Variants in NTN4 observed in about 807,000 individuals in gnomAD.
NTN4 encodes netrin-4.
In NTN4, 32 loss-of-function variants were observed where a neutral mutation model predicts 73.6. The observed-to-expected ratio is 0.44, with a 90% CI of 0.33 to 0.58. NTN4 has a LOEUF of 0.58. Among genes scored for constraint, NTN4 ranks in the 20% least tolerant of loss-of-function variants. NTN4 has a pLI of 0.04. For synonymous variants in NTN4, 258 were observed against 287.5 expected, an observed-to-expected ratio of 0.90 and a Z score of 1.04; for missense variants, 654 against 798.3, an observed-to-expected ratio of 0.82 and a Z score of 2.18.
chr12:95,672,741 A>AGAT, intron 7 of NTN4: 13 of 1,388,180 alleles, frequency 9.4e-6, no homozygotes, highest in Non-Finnish European at 1.3e-5. Context: ...CAGACCTCAC[A>AGAT]GATGATCAGC....
intron 2 of NTN4, among the ~76,000 whole-genome samples, chr12:95,756,219 A>G (rs2121231850): frequency 6.6e-6 from 1 of 152,358 alleles, no homozygotes; most frequent in Admixed American, 6.5e-5. Flanking sequence ...AATATTATAT[A>G]TGATTGATAC....
intron 7 of NTN4, among the ~76,000 whole-genome samples, chr12:95,676,441 A>T (rs2078273995): frequency 6.6e-6 from 1 of 152,122 alleles, no homozygotes; most frequent in South Asian, 2.1e-4. Context: ...AAAAACCCTG[A>T]TGTTTGAACA....
intron 3 of NTN4, among the ~76,000 whole-genome samples, chr12:95,726,926 C>T (rs946878780): frequency 3.0e-4 from 45 of 151,848 alleles, no homozygotes; most frequent in Admixed American, 5.9e-4. Flanking sequence ...GTGGAGATTG[C>T]GCCACTGCAC....
intron 5 of NTN4, among the ~76,000 whole-genome samples, chr12:95,685,294 G>A (rs951365523): frequency 1.3e-5 from 2 of 152,132 alleles, no homozygotes; most frequent in African/African-American, 4.8e-5. Context: ...TAATTCACTG[G>A]GAGGGTCCTC....
intron 3 of NTN4, among the ~76,000 whole-genome samples, chr12:95,729,632 AGTGTGTGT>A (rs758891542): frequency 0.011 from 1,318 of 124,132 alleles, 20 homozygotes; most frequent in African/African-American, 0.032. Flanking sequence ...AGAGAGAGAG[AGTGTGTGT>A]GTGTGTGTGT....
rs2078737698 is a variant in NTN4 at position 95,731,586 on chromosome 12, C to T, written c.864+6280G>A. Among the ~76,000 whole-genome samples the T allele has an allele frequency of 1.3e-5, 2 of 152,000 alleles. 1 individual carries two copies. The highest frequency in any genetic ancestry group is 4.8e-5 in the African/African-American group (2 of 41,386). On this transcript the variant is annotated intron_variant, in intron 3 of 9. Transcript: ENST00000343702. ...AATAATAAATAAATAAATCAGCTAA[C>T]CTTTGGGGGTGAGAATTGTCTTTAC...
At chr12:95,762,904 T>C (rs2078998567) in intron 2 of NTN4, among the ~76,000 whole-genome samples, 1 of 152,226 alleles carries the variant, frequency 6.6e-6, no homozygotes, top group Non-Finnish European at 1.5e-5. Flanking sequence ...TCCTATACAT[T>C]TAGATAAGAA....
chr12:95,789,925 G>A lies in NTN4; in HGVS notation c.55+330C>T. On this transcript the variant is annotated intron_variant, in intron 1 of 9. Transcript: ENST00000343702. This position sits in a 1 kb window ranked among gnomAD's most constrained non-coding sequence, Gnocchi z 4.0. ...TTAGGCCATGAAGTGCCGGGGGATG[G>A]CGAGCTGGGTCCTTTGTTCCCTCAC... 3.7e-6 allele frequency: 1 copy of A among 267,834 alleles called. No homozygotes were observed. Among genetic ancestry groups the A allele is most frequent in the Non-Finnish European group, 7.0e-6 (1 of 142,050 alleles). The allele number at this position is 267,834 out of a possible 1,614,324, so 16.6% of individuals were successfully genotyped here.
rs926411299 is a variant in NTN4, at chr12:95,789,511, G to A, written c.55+744C>T. On this transcript the variant is annotated intron_variant, in intron 1 of 9. Coordinates refer to ENST00000343702, the MANE Select transcript of NTN4 (RefSeq NM_021229.4). The surrounding 1 kb of genome is among the most constrained non-coding windows in gnomAD (Gnocchi z 4.0). ...ATACAGAAACCACGAGCCAGGAGCC[G>A]GTGGCCTAGGGCAGCCCAAGAAAGC... Among the ~76,000 whole-genome samples the A allele has an allele frequency of 2.0e-5, 3 of 152,190 alleles. No homozygotes were observed. The highest frequency in any genetic ancestry group is 7.2e-5 in the African/African-American group (3 of 41,436).
Position 95,787,029 on chromosome 12 carries a change from G to C in NTN4, c.495C>G (p.Ser165=). Residue 165 remains serine (S), a synonymous_variant, in exon 2 of 10, where the codon TCC becomes TCG. Coordinates refer to ENST00000343702, the MANE Select transcript of NTN4 (RefSeq NM_021229.4). ...KPYKYFATNC[S]ATFGLEDDVV... ...CATCATCTTCCAGGCCAAATGTAGC[G>C]GAGCAGTTAGTCGCAAAGTACTTAT... 6.2e-7 allele frequency: 1 copy of C among 1,614,134 alleles called. No individual in the cohort carries two copies. The highest frequency in any genetic ancestry group is 1.3e-5 in the African/African-American group (1 of 75,020).
At chr12:95,769,019 C>G (rs11108248) in intron 2 of NTN4, among the ~76,000 whole-genome samples, 51,860 of 151,946 alleles carry the variant, frequency 0.34, 9,408 homozygotes, top group East Asian at 0.6. Flanking sequence ...AGCTGAGAGT[C>G]AGCAGGGGGT....
Position 95,789,810 on chromosome 12 carries a change from G to A in NTN4, c.55+445C>T, listed in dbSNP as rs1592724777. Reference sequence around the variant, plus strand: ...CCTGGTTCTCTAGTACCCAGCACCAGGTCAGGGACACCAGCGATGGGCTTC... The same window carrying A: ...CCTGGTTCTCTAGTACCCAGCACCAAGTCAGGGACACCAGCGATGGGCTTC... On this transcript the variant is annotated intron_variant, in intron 1 of 9. Coordinates refer to ENST00000343702, the MANE Select transcript of NTN4 (RefSeq NM_021229.4). The surrounding 1 kb of genome is among the most constrained non-coding windows in gnomAD (Gnocchi z 4.0). 1.9e-5 allele frequency: 3 copies of A among 160,756 alleles called. No homozygotes were observed. The highest frequency in any genetic ancestry group is 3.6e-4 in the East Asian group (2 of 5,502). 10.0% of individuals were successfully genotyped at this position (160,756 alleles called of 1,614,324 possible).
At chr12:95,697,592 A>G (rs2078451751) in intron 5 of NTN4, among the ~76,000 whole-genome samples, 2 of 151,782 alleles carry the variant, frequency 1.3e-5, no homozygotes, top group Admixed American at 1.3e-4. Context: ...ATGGCTATTT[A>G]TCAGTAAGCA....
intron 3 of NTN4, among the ~76,000 whole-genome samples, chr12:95,719,948 C>G (rs2078634686): frequency 6.6e-6 from 1 of 152,096 alleles, no homozygotes; most frequent in Non-Finnish European, 1.5e-5. Flanking sequence ...TACTTGAACA[C>G]TTGAGGAAAC....
chr12:95,778,921 C>T (rs1440145466), intron 2 of NTN4, among the ~76,000 whole-genome samples: 2 of 152,164 alleles, frequency 1.3e-5, no homozygotes, highest in Non-Finnish European at 2.9e-5. Context: ...AAAATAAAGG[C>T]AAACTGAATC....
Position 95,789,859 on chromosome 12 carries a change from C to G in NTN4, c.55+396G>C, listed in dbSNP as rs570893780. On this transcript the variant is annotated intron_variant, in intron 1 of 9. Transcript: ENST00000343702. This position sits in a 1 kb window ranked among gnomAD's most constrained non-coding sequence, Gnocchi z 4.0. ...TCTACCAGAGACCGGCCCCAGCCCA[C>G]GCGCGCCCAGGGTCGCTGGGCCACC... is the stretch of plus-strand genomic sequence containing the variant. The G allele has an allele frequency of 5.6e-6, 1 of 177,228 alleles. No homozygotes were observed. The allele number at this position is 177,228 out of a possible 1,614,324, so 11.0% of individuals were successfully genotyped here.
intron 2 of NTN4, among the ~76,000 whole-genome samples, chr12:95,775,556 T>G (rs1438331277): frequency 1.3e-5 from 2 of 152,104 alleles, no homozygotes; most frequent in African/African-American, 4.8e-5. Flanking sequence ...GCTCAGAGGG[T>G]CCCACGCCCA....
At chr12:95,694,431 A>G (rs1306123301) in intron 5 of NTN4, among the ~76,000 whole-genome samples, 2 of 152,140 alleles carry the variant, frequency 1.3e-5, no homozygotes, top group Non-Finnish European at 2.9e-5. Context: ...GATTTTTAAT[A>G]GTGAAGTCAT....
At chr12:95,737,743 G>T in intron 3 of NTN4, 123 bp downstream of exon 3, 2 of 841,754 alleles carry the variant, frequency 2.4e-6, no homozygotes, top group Admixed American at 2.7e-5. Flanking sequence ...TGAGTATGGA[G>T]TCGGAGCTGT....
Sources: gnomAD v4.1 joint callset for allele counts (sites outside exome capture counted in the v4.1 genomes callset) on GRCh38, gnomAD v4.1.1 for gene constraint, Gnocchi (gnomAD v3.1) non-coding constraint, MANE v1.5 for transcripts, NCBI Gene and HGNC (gene_info 2026-07-23, HGNC 2026-07-21) for gene names.